Variants in CFAP299 observed in about 807,000 individuals in gnomAD.
CFAP299 encodes cilia- and flagella-associated protein 299.
CFAP299 carries 21 observed loss-of-function variants against 27.0 expected under a neutral mutation model. The observed-to-expected ratio is 0.78, with a 90% CI of 0.55 to 1.12. The LOEUF is 1.12. Among genes scored for constraint, CFAP299 ranks in the 50% most tolerant of loss-of-function variants. The pLI is 0.00. For synonymous variants in CFAP299, 104 were observed against 98.1 expected, an observed-to-expected ratio of 1.06 and a Z score of -0.36; for missense variants, 310 against 276.6, an observed-to-expected ratio of 1.12 and a Z score of -0.86.
At chr4:80,613,693 A>T (rs78524532) in intron 3 of CFAP299, among the ~76,000 whole-genome samples, 11,904 of 152,180 alleles carry the variant, frequency 0.078, 731 homozygotes, top group East Asian at 0.26. Flanking sequence ...TGACCAGTGA[A>T]TTAGGTCATC....
intron 3 of CFAP299, among the ~76,000 whole-genome samples, chr4:80,827,614 T>C (rs1036947316): frequency 1.3e-5 from 2 of 151,896 alleles, no homozygotes; most frequent in African/African-American, 4.8e-5. Context: ...CATGAAAGAC[T>C]GAAAGTTTTT....
intron 2 of CFAP299, among the ~76,000 whole-genome samples, chr4:80,484,467 T>C (rs1730714999): frequency 6.6e-6 from 1 of 152,164 alleles, no homozygotes; most frequent in East Asian, 1.9e-4. Context: ...ATCTTATCCA[T>C]CCTTTGCTGA....
chr4:80,374,297 T>A (rs915340066), intron 2 of CFAP299, among the ~76,000 whole-genome samples: 7 of 152,294 alleles, frequency 4.6e-5, no homozygotes, highest in Admixed American at 2.0e-4. Context: ...ATATGTGGGA[T>A]AATATTCCTT....
intron 3 of CFAP299, among the ~76,000 whole-genome samples, chr4:80,609,163 G>T (rs1371203809): frequency 6.6e-6 from 1 of 151,974 alleles, no homozygotes; most frequent in Admixed American, 6.6e-5. Flanking sequence ...CCTGTGTTCA[G>T]AAATGTAAAA....
chr4:80,895,912 C>G (rs138428451), intron 4 of CFAP299, among the ~76,000 whole-genome samples: 3 of 151,962 alleles, frequency 2.0e-5, no homozygotes, highest in Non-Finnish European at 2.9e-5. Context: ...GGTTTTTTCC[C>G]GCCAACTCAG....
At chr4:80,765,645 G>A (rs1177295846) in intron 3 of CFAP299, among the ~76,000 whole-genome samples, 2 of 151,718 alleles carry the variant, frequency 1.3e-5, no homozygotes, top group African/African-American at 4.8e-5. Flanking sequence ...TTAAGTTTCA[G>A]GGTACATGTG....
intron 3 of CFAP299, among the ~76,000 whole-genome samples, chr4:80,711,619 G>A (rs1471368786): frequency 1.3e-5 from 2 of 152,078 alleles, no homozygotes; most frequent in African/African-American, 4.8e-5. Context: ...TTGTCTTAGG[G>A]TACATAGCTT....
At chr4:80,370,733 G>T (rs139431333) in intron 2 of CFAP299, among the ~76,000 whole-genome samples, 101 of 152,372 alleles carry the variant, frequency 6.6e-4, no homozygotes, top group African/African-American at 2.2e-3. Flanking sequence ...CCAAGGCCTT[G>T]AGCAGCTCCA....
At chr4:80,391,222 T>C (rs933990963) in intron 2 of CFAP299, among the ~76,000 whole-genome samples, 1 of 152,156 alleles carries the variant, frequency 6.6e-6, no homozygotes, top group African/African-American at 2.4e-5. Context: ...TAATTTCATT[T>C]CCTTGTATAC....
At chr4:80,893,271 G>GA (rs567543310) in intron 4 of CFAP299, among the ~76,000 whole-genome samples, 13 of 151,466 alleles carry the variant, frequency 8.6e-5, no homozygotes, top group Admixed American at 3.3e-4. Context: ...TTTATGGATT[G>GA]AAAAAAATAA....
intron 2 of CFAP299, among the ~76,000 whole-genome samples, chr4:80,435,177 C>T (rs1454005286): frequency 1.3e-5 from 2 of 152,182 alleles, no homozygotes; most frequent in Non-Finnish European, 2.9e-5. Flanking sequence ...TTCAAAGCCA[C>T]TGCCTTAGTA....
intron 2 of CFAP299, among the ~76,000 whole-genome samples, chr4:80,447,138 T>TTTTG (rs1560571657): frequency 4.3e-4 from 48 of 112,018 alleles, no homozygotes; most frequent in African/African-American, 1.1e-3. Flanking sequence ...TTGTTTTTTT[T>TTTTG]TTTTTTTTTT....
intron 2 of CFAP299, among the ~76,000 whole-genome samples, chr4:80,548,301 T>C (rs1369720477): frequency 6.6e-6 from 1 of 152,156 alleles, no homozygotes; most frequent in African/African-American, 2.4e-5. Context: ...AAATACCTTA[T>C]GTTCTCAAGT....
chr4:80,890,044 C>A (rs1048243167), intron 4 of CFAP299, among the ~76,000 whole-genome samples: 1 of 152,010 alleles, frequency 6.6e-6, no homozygotes, highest in African/African-American at 2.4e-5. Flanking sequence ...AACTGAAATC[C>A]TTCCCTTCCC....
intron 3 of CFAP299, among the ~76,000 whole-genome samples, chr4:80,622,765 G>C (rs919929124): frequency 3.9e-5 from 6 of 152,076 alleles, no homozygotes; most frequent in Non-Finnish European, 8.8e-5. Flanking sequence ...TTGTGAGTGG[G>C]TCTACAGCTG....
At chr4:80,663,172 A>C (rs1217758145) in intron 3 of CFAP299, among the ~76,000 whole-genome samples, 9 of 152,186 alleles carry the variant, frequency 5.9e-5, no homozygotes, top group African/African-American at 2.2e-4. Flanking sequence ...TCTGGGATAC[A>C]TGTGCAAAAT....
chr4:80,782,519 T>G (rs1173690363), intron 3 of CFAP299, among the ~76,000 whole-genome samples: 1 of 146,264 alleles, frequency 6.8e-6, no homozygotes, highest in Admixed American at 7.0e-5. Context: ...TATAACATAT[T>G]AATATATAAT....
intron 3 of CFAP299, among the ~76,000 whole-genome samples, chr4:80,672,361 A>T (rs922834458): frequency 1.3e-5 from 2 of 152,192 alleles, no homozygotes; most frequent in African/African-American, 4.8e-5. Context: ...AGCCAACTTG[A>T]TCGTGGTGGA....
chr4:80,508,822 T>C (rs1361330380), intron 2 of CFAP299, among the ~76,000 whole-genome samples: 1 of 152,196 alleles, frequency 6.6e-6, no homozygotes, highest in African/African-American at 2.4e-5. Flanking sequence ...CTTCTCAAAG[T>C]GCTGGGATTG....
Sources: allele counts gnomAD v4.1 joint callset (sites outside exome capture counted in the v4.1 genomes callset), GRCh38; gene constraint gnomAD v4.1.1; transcripts MANE v1.5; gene names NCBI Gene and HGNC (gene_info 2026-07-23, HGNC 2026-07-21).